Variants in UHRF2 observed in about 807,000 individuals in gnomAD.
UHRF2 encodes E3 ubiquitin-protein ligase UHRF2.
A neutral mutation model predicts 96.8 loss-of-function variants in UHRF2; 23 were observed. That is an observed-to-expected ratio of 0.24 (90% CI 0.17 to 0.34). The LOEUF is 0.34. Ranked by LOEUF, UHRF2 falls within the 10% of genes least tolerant of loss-of-function variation. The pLI is 1.00. For synonymous variants in UHRF2, 385 were observed against 332.6 expected (o/e 1.16, Z -1.72); for missense variants, 685 against 981.5 (o/e 0.70, Z 4.04).
chr9:6,496,102 A>G (rs1045090603), intron 10 of UHRF2: 3 of 152,142 alleles, frequency 2.0e-5, no homozygotes, highest in African/African-American at 7.2e-5. Context: ...CTAAAAATAT[A>G]ATTATGGTCA....
chr9:6,437,577 G>A (rs931718727), intron 3 of UHRF2, among the ~76,000 whole-genome samples: 7 of 152,038 alleles, frequency 4.6e-5, no homozygotes, highest in African/African-American at 1.4e-4. Flanking sequence ...TCGATAGAAT[G>A]TGGTTGTCAT....
chr9:6,445,998 T>TTTTTTTTTTTTTTC (rs772184475), intron 3 of UHRF2, among the ~76,000 whole-genome samples: 24 of 129,944 alleles, frequency 1.8e-4, no homozygotes, highest in Middle Eastern at 4.1e-3. Flanking sequence ...TTTTTTTTTT[T>TTTTTTTTTTTTTTC]TTCCTGTTTT....
intron 3 of UHRF2, among the ~76,000 whole-genome samples, chr9:6,447,144 C>T (rs896497780): frequency 1.3e-5 from 2 of 152,168 alleles, no homozygotes; most frequent in African/African-American, 4.8e-5. Context: ...CCGCTTCTGC[C>T]TCCCAAAGTG....
chr9:6,453,759 A>T (rs1219057697), intron 3 of UHRF2, among the ~76,000 whole-genome samples: 7 of 151,856 alleles, frequency 4.6e-5, no homozygotes, highest in Non-Finnish European at 1.0e-4. Flanking sequence ...AAAAAAACCA[A>T]CCAGGAGTGG....
intron 4 of UHRF2, among the ~76,000 whole-genome samples, chr9:6,470,488 G>A (rs1823176762): frequency 6.6e-6 from 1 of 151,984 alleles, no homozygotes; most frequent in South Asian, 2.1e-4. Context: ...CAGGCACTAA[G>A]AGAAATAATA....
chr9:6,493,087 C>T (rs1416817387), intron 9 of UHRF2, among the ~76,000 whole-genome samples: 1 of 151,832 alleles, frequency 6.6e-6, no homozygotes, highest in Non-Finnish European at 1.5e-5. Flanking sequence ...CACTTGAGAC[C>T]GGGAGTTGGA....
rs756985196 is a variant in UHRF2 at position 6,413,665 on chromosome 9, C to T, written c.153+22C>T. 10 of 1,551,418 alleles carry T rather than the reference C, an allele frequency of 6.4e-6. No individual in the cohort carries two copies. The Admixed American group carries it at 7.7e-5, about 12-fold the overall frequency. Reference sequence around the variant, plus strand: ...GCAGGTGAGGCGCGCCCGCCGCGCCCCTAGCGAGGCTGGGGGCCGGAACAG... The same window carrying T: ...GCAGGTGAGGCGCGCCCGCCGCGCCTCTAGCGAGGCTGGGGGCCGGAACAG... On this transcript the variant is annotated intron_variant, in intron 1 of 15. Coordinates refer to ENST00000276893, the MANE Select transcript of UHRF2 (RefSeq NM_152896.3).
intron 1 of UHRF2, among the ~76,000 whole-genome samples, chr9:6,420,607 T>C (rs1819873610): frequency 6.6e-6 from 1 of 150,820 alleles, no homozygotes. Flanking sequence ...TCAGGGAGGC[T>C]GAGGCAGGAG....
intron 8 of UHRF2, among the ~76,000 whole-genome samples, chr9:6,485,897 A>G (rs904812850): frequency 1.3e-5 from 2 of 151,782 alleles, no homozygotes; most frequent in Non-Finnish European, 2.9e-5. Flanking sequence ...TTTGAAGTTC[A>G]CAAAGAAGTG....
chr9:6,479,476 C>T (rs2130904279), intron 6 of UHRF2, among the ~76,000 whole-genome samples: 2 of 152,234 alleles, frequency 1.3e-5, no homozygotes, highest in South Asian at 4.2e-4. Context: ...CCACCCCCAA[C>T]CCTGCCAAAG....
At chr9:6,426,701 A>G (rs1820279238) in intron 2 of UHRF2, among the ~76,000 whole-genome samples, 2 of 152,124 alleles carry the variant, frequency 1.3e-5, no homozygotes, top group South Asian at 4.1e-4. Context: ...TGTTGACTAA[A>G]CTGAAAACCA....
rs999069252 is a variant in UHRF2, at chr9:6,507,005, C to T, written c.*826C>T. ...ATATTGTGATCCTAAATTTTATATT[C>T]ACTATATTCCCTAAAGTATACCTTA... On this transcript the variant is annotated 3_prime_UTR_variant, in exon 16 of 16. Coordinates refer to ENST00000276893, the MANE Select transcript of UHRF2 (RefSeq NM_152896.3). The T allele has an allele frequency of 2.6e-5, 4 of 152,450 alleles. No homozygotes were observed. Among genetic ancestry groups the T allele is most frequent in the African/African-American group, 7.2e-5 (3 of 41,420 alleles). 9.4% of individuals were successfully genotyped at this position (152,450 alleles called of 1,614,324 possible). A position where few individuals can be genotyped will look rare whatever the true frequency, so the allele number is the denominator to read the frequency against.
At chr9:6,502,507 C>CA (rs1159782588) in intron 14 of UHRF2, among the ~76,000 whole-genome samples, 2 of 152,190 alleles carry the variant, frequency 1.3e-5, no homozygotes, top group African/African-American at 4.8e-5. Context: ...AGACTGATCT[C>CA]AAACACCTGG....
Position 6,482,826 on chromosome 9 carries a change from A to C in UHRF2, c.1392+727A>C, listed in dbSNP as rs140312864. Among the ~76,000 whole-genome samples the C allele has an allele frequency of 1.7e-3, 261 of 152,172 alleles. 5 individuals are homozygous for C. The East Asian group carries it at 0.045, about 26-fold the overall frequency. On this transcript the variant is annotated intron_variant, in intron 8 of 15. Transcript: ENST00000276893. ...TTAGCCAGGATGGTCTCGATCTCCT[A>C]ACCTCGTGATCCACCTGCCTTGGCC...
intron 12 of UHRF2, chr9:6,499,277 T>G (rs542557699): frequency 3.3e-4 from 43 of 130,388 alleles, no homozygotes; most frequent in Admixed American, 2.4e-3. Context: ...AGGTAGCCAT[T>G]GAAACATAAG....
chr9:6,430,201 G>A (rs1461884190), intron 2 of UHRF2, among the ~76,000 whole-genome samples: 1 of 152,070 alleles, frequency 6.6e-6, no homozygotes, highest in Non-Finnish European at 1.5e-5. Flanking sequence ...GTAGAGACAG[G>A]GTTTCGCCAT....
chr9:6,426,084 G>T (rs912791764), intron 2 of UHRF2, among the ~76,000 whole-genome samples: 2 of 152,134 alleles, frequency 1.3e-5, no homozygotes, highest in African/African-American at 4.8e-5. Context: ...CAGCAGTTTG[G>T]GTCAACTTAA....
At chr9:6,430,236 C>A (rs954537125) in intron 2 of UHRF2, among the ~76,000 whole-genome samples, 5 of 152,186 alleles carry the variant, frequency 3.3e-5, no homozygotes, top group Admixed American at 6.5e-5. Flanking sequence ...TCTTGAACTC[C>A]TGACCTCAGG....
At chr9:6,450,025 C>T (rs1221718784) in intron 3 of UHRF2, among the ~76,000 whole-genome samples, 1 of 152,096 alleles carries the variant, frequency 6.6e-6, no homozygotes, top group African/African-American at 2.4e-5. Flanking sequence ...ATTAACTCAG[C>T]CATGGGTATA....
Sources: allele counts gnomAD v4.1 joint callset (sites outside exome capture counted in the v4.1 genomes callset), GRCh38; gene constraint gnomAD v4.1.1; transcripts MANE v1.5; gene names NCBI Gene and HGNC (gene_info 2026-07-23, HGNC 2026-07-21).